HOXA3: variants seen among roughly 807,000 people sequenced by gnomAD.
The protein encoded by HOXA3 is homeobox protein Hox-A3.
Under a neutral mutation model 30.3 loss-of-function variants are expected in HOXA3, and 8 were observed. The ratio of observed to expected loss-of-function variants is 0.26; its 90% CI spans 0.15 to 0.48. HOXA3 has a LOEUF of 0.48. Among genes scored for constraint, HOXA3 ranks in the 20% least tolerant of loss-of-function variants. The pLI is 0.99. For missense variants in HOXA3, 653 were observed against 614.4 expected, an observed-to-expected ratio of 1.06 and a Z score of -0.66; for synonymous variants, 323 against 273.1, an observed-to-expected ratio of 1.18 and a Z score of -1.80.
In HOXA3 at chr7:27,110,165, ATCCAGGGGAAGATTTGTTTG is replaced by A; in HGVS notation, c.456_475del (p.Lys153GlufsTer73). ...CTTTGTGTTTTGTCGAGACTCTTTC[ATCCAGGGGAAGATTTGTTTG>A]GCCACTGTGGGTGAGTTGAGCAGGG... On this transcript the variant is annotated frameshift_variant, in exon 5 of 6. Transcript: ENST00000612286. LOFTEE classifies it high-confidence loss of function. 1 of 1,614,126 alleles carries A rather than the reference ATCCAGGGGAAGATTTGTTTG, an allele frequency of 6.2e-7. No homozygotes were observed. The highest frequency in any genetic ancestry group is 8.5e-7 in the Non-Finnish European group (1 of 1,180,016).
chr7:27,151,773 T>C (rs1782980528), intron 1 of HOXA3: 1 of 441,642 alleles, frequency 2.3e-6, no homozygotes, highest in African/African-American at 2.0e-5. Context: ...AAAATGCCTG[T>C]GGATTAATGC....
intron 1 of HOXA3, chr7:27,147,785 T>C: frequency 6.4e-7 from 1 of 1,554,364 alleles, no homozygotes; most frequent in African/African-American, 1.4e-5. Flanking sequence ...ATTTGTTGTG[T>C]ATTAGTACAT....
Position 27,114,837 on chromosome 7 carries a change from A to T in HOXA3, c.-120-4077T>A, listed in dbSNP as rs1388580652. ...CATACATATATATATAATATATATT[A>T]TATATATAATATATATTATATATAT... On this transcript the variant is annotated intron_variant, in intron 4 of 5. Transcript: ENST00000612286. 6.9e-5 allele frequency among the ~76,000 whole-genome samples: 5 copies of T among 72,316 alleles called. 1 individual carries two copies. The highest frequency in any genetic ancestry group is 1.2e-4 in the African/African-American group (3 of 24,726). The allele number at this position is 72,316 out of a possible 152,430, so 47.4% of individuals were successfully genotyped here. A position where few individuals can be genotyped will look rare whatever the true frequency, so the allele number is the denominator to read the frequency against.
At chr7:27,129,663 G>A in intron 2 of HOXA3, 1 of 1,341,952 alleles carries the variant, frequency 7.5e-7, no homozygotes. Flanking sequence ...GTGGGGAAGA[G>A]CAATTGGACA....
At chr7:27,131,199 G>A (rs1785548841) in intron 2 of HOXA3, among the ~76,000 whole-genome samples, 1 of 152,236 alleles carries the variant, frequency 6.6e-6, no homozygotes. Flanking sequence ...CCGCGACTCA[G>A]CGCTGACCTC....
chr7:27,139,643 C>T (rs1168314837), intron 2 of HOXA3, among the ~76,000 whole-genome samples: 1 of 152,144 alleles, frequency 6.6e-6, no homozygotes, highest in African/African-American at 2.4e-5. Flanking sequence ...CGGCCCTCGG[C>T]GCCCGCGGCC....
intron 2 of HOXA3, among the ~76,000 whole-genome samples, chr7:27,139,752 C>T (rs1032498510): frequency 2.0e-5 from 3 of 152,208 alleles, no homozygotes; most frequent in African/African-American, 7.2e-5. Context: ...GGGGGTGCGG[C>T]CCTGCCAGGT....
chr7:27,108,465 C>A lies in HOXA3; in HGVS notation c.782G>T (p.Gly261Val), dbSNP rs576449568. 32 of 1,613,822 alleles carry A rather than the reference C, an allele frequency of 2.0e-5. No individual in the cohort carries two copies. Among genetic ancestry groups the A allele is most frequent in the Non-Finnish European group, 2.5e-5 (30 of 1,179,930 alleles). Residue 261 changes from glycine to valine, a missense_variant, in exon 6 of 6, where the codon GGC becomes GTC. Transcript: ENST00000612286. The surrounding 1 kb of genome is among the most constrained non-coding windows in gnomAD (Gnocchi z 5.0). ...KGKGMLTSSG[G>V]QSPSRSPVPP... Reference sequence around the variant, plus strand: ...CACGGGGCTGCGACTTGGAGACTGGCCCCCCGATGACGTTAGCATGCCCTT... The same window carrying A: ...CACGGGGCTGCGACTTGGAGACTGGACCCCCGATGACGTTAGCATGCCCTT...
At position 27,108,337 on chromosome 7, in the gene HOXA3, T is replaced by C. The variant is rs565794030; in HGVS notation, c.910A>G (p.Thr304Ala). 19 of 1,485,332 alleles carry C rather than the reference T, an allele frequency of 1.3e-5. 1 individual carries two copies. The Middle Eastern group carries it at 1.8e-3, about 139-fold the overall frequency. The allele number at this position is 1,485,332 out of a possible 1,614,324, so 92.0% of individuals were successfully genotyped here. ...TAGGAGGCGGGGGGCAGCCCGTAGGTACCCTGGGGGGGCTTGGAGAAGGGC... is the reference window on the plus strand; with the variant it reads ...TAGGAGGCGGGGGGCAGCCCGTAGGCACCCTGGGGGGGCTTGGAGAAGGGC... ...PPPFSKPPQGTYGLPPASYPA... is the reference protein window; with the variant it reads ...PPPFSKPPQGAYGLPPASYPA... Residue 304 changes from threonine to alanine, a missense_variant, in exon 6 of 6, where the codon ACC (threonine) becomes GCC (alanine). By Grantham distance (58) the Thr-to-Ala change is moderately conservative (BLOSUM62 0). Around this residue, in one of 3 missense-constraint regions of HOXA3, gnomAD observed 330 missense variants for 274.4 expected, o/e 1.20. Transcript: ENST00000612286. The surrounding 1 kb of genome is among the most constrained non-coding windows in gnomAD (Gnocchi z 5.0).
rs1785447174 is a variant in HOXA3, at chr7:27,129,874, C to A, written c.-389-2804G>T. The A allele has an allele frequency of 4.9e-6, 3 of 606,468 alleles. No homozygotes were observed. In the Admixed American group the frequency reaches 8.9e-5, roughly 18 times the overall value. The allele number at this position is 606,468 out of a possible 1,614,324, so 37.6% of individuals were successfully genotyped here. A position where few individuals can be genotyped will look rare whatever the true frequency, so the allele number is the denominator to read the frequency against. On this transcript the variant is annotated intron_variant, in intron 2 of 5. Transcript: ENST00000612286. ...ATTAAATTTATGGGGGCTATAATTA[C>A]TGCCCTAACAGTTTGGCGTCTCGTA...
chr7:27,142,781 T>G, intron 1 of HOXA3: 2 of 434,694 alleles, frequency 4.6e-6, no homozygotes, highest in Non-Finnish European at 8.0e-6. Context: ...AGGCGTGGGG[T>G]TCCAGAGGGG....
intron 2 of HOXA3, chr7:27,130,830 C>G: frequency 8.1e-7 from 1 of 1,235,708 alleles, no homozygotes; most frequent in Admixed American, 2.0e-5. Flanking sequence ...TCCCATCCCC[C>G]TTTCCTCTGC....
At chr7:27,143,071 C>G in intron 1 of HOXA3, 1 of 1,540,852 alleles carries the variant, frequency 6.5e-7, no homozygotes. Context: ...GCTTGCGCAT[C>G]CAGGGGTAGA....
chr7:27,143,328 G>C, intron 1 of HOXA3: 1 of 1,596,158 alleles, frequency 6.3e-7, no homozygotes, highest in South Asian at 1.1e-5. Flanking sequence ...TGAGGAGAGT[G>C]CGTGGACGTG....
intron 4 of HOXA3, among the ~76,000 whole-genome samples, chr7:27,114,229 G>T (rs1784550684): frequency 2.0e-5 from 3 of 151,848 alleles, no homozygotes; most frequent in Non-Finnish European, 4.4e-5. Flanking sequence ...CAGGCGTCAC[G>T]AAAGTCCAGG....
In HOXA3 at chr7:27,108,867, C is replaced by T. The variant is rs1460591391; in HGVS notation, c.527-147G>A. On this transcript the variant is annotated intron_variant, in intron 5 of 5. Transcript: ENST00000612286. This position sits in a 1 kb window ranked among gnomAD's most constrained non-coding sequence, Gnocchi z 5.0. ...AGAGAAGTAGGAACTAGGTGCTATC[C>T]TCTCTCCTGGTGGGTAAAACAGTGA... 9.7e-6 allele frequency: 6 copies of T among 618,790 alleles called. No individual in the cohort carries two copies. The highest frequency in any genetic ancestry group is 1.7e-5 in the Non-Finnish European group (6 of 355,678). 38.3% of individuals were successfully genotyped at this position (618,790 alleles called of 1,614,324 possible). A position where few individuals can be genotyped will look rare whatever the true frequency, so the allele number is the denominator to read the frequency against.
chr7:27,115,750 T>G (rs1326137206), intron 4 of HOXA3: 1 of 152,256 alleles, frequency 6.6e-6, no homozygotes, highest in Non-Finnish European at 1.5e-5. Context: ...GGGAGCTTCG[T>G]TCCGGCCAGG....
chr7:27,147,449 C>A (rs766918891), intron 1 of HOXA3: 5 of 1,614,224 alleles, frequency 3.1e-6, no homozygotes, highest in Non-Finnish European at 3.4e-6. Context: ...TGCAGGTAGT[C>A]CCCGGGGCCC....
At chr7:27,129,606 G>C in intron 2 of HOXA3, 1 of 1,605,848 alleles carries the variant, frequency 6.2e-7, no homozygotes, top group Non-Finnish European at 8.5e-7. Context: ...GAAGGCCAAG[G>C]AGGAGGGAGC....
Sources: allele counts gnomAD v4.1 joint callset (sites outside exome capture counted in the v4.1 genomes callset), GRCh38; gene constraint gnomAD v4.1.1; regional missense constraint gnomAD v4.1.1; non-coding constraint Gnocchi (gnomAD v3.1); transcripts MANE v1.5; gene names NCBI Gene and HGNC (gene_info 2026-07-23, HGNC 2026-07-21).